Variants in PABIR2 observed in about 807,000 individuals in gnomAD.
PABIR2 encodes the protein family with sequence similarity 122B.
A neutral mutation model predicts 22.8 loss-of-function variants in PABIR2; 7 were observed. The observed-to-expected ratio is 0.31, with a 90% CI of 0.17 to 0.58. The LOEUF is 0.58. Ranked by LOEUF, PABIR2 falls within the 20% of genes least tolerant of loss-of-function variation. The pLI is 0.89. For missense variants in PABIR2, 155 were observed against 205.1 expected (o/e 0.76, Z 1.49); for synonymous variants, 67 against 73.8 (o/e 0.91, Z 0.47).
In PABIR2 at chrX:134,771,464, T is replaced by C. The variant is rs2078836404; in HGVS notation, c.*675A>G. 1 of 1,062,116 alleles carries C rather than the reference T, an allele frequency of 9.4e-7. No homozygotes were observed. The highest frequency in any genetic ancestry group is 1.9e-5 in the African/African-American group (1 of 52,655). The allele number at this position is 1,062,116 out of a possible 1,213,427, so 87.5% of individuals were successfully genotyped here. On this transcript the variant is annotated 3_prime_UTR_variant, in exon 10 of 10. Transcript: ENST00000343004. ...GAACCTGTGATGACTAATCCAAGCATCCTGTAAGTCCGTTTACATTCTCAG... is the reference window on the plus strand; with the variant it reads ...GAACCTGTGATGACTAATCCAAGCACCCTGTAAGTCCGTTTACATTCTCAG...
At chrX:134,773,664 A>G (rs2078892690) in intron 9 of PABIR2, among the ~76,000 whole-genome samples, 1 of 111,773 alleles carries the variant, frequency 8.9e-6, no homozygotes, top group Admixed American at 9.6e-5. Context: ...GAATTTACAC[A>G]GACACTTTTT....
At chrX:134,776,214 G>A (rs1345274412) in intron 9 of PABIR2, among the ~76,000 whole-genome samples, 3 of 111,589 alleles carry the variant, frequency 2.7e-5, no homozygotes, top group Admixed American at 1.9e-4. Context: ...ATTTTGACAT[G>A]ACACATATAA....
chrX:134,796,277 C>G lies in PABIR2; in HGVS notation c.-72G>C. On this transcript the variant is annotated 5_prime_UTR_variant, in exon 1 of 10. Coordinates refer to ENST00000343004, the MANE Select transcript of PABIR2 (RefSeq NM_001387468.1). ...CTTAGCTATGGACTCCCAAGACTCT[C>G]ACTGCAGGACTGAGCTGCTGGGGAC... 2.4e-6 allele frequency: 2 copies of G among 841,710 alleles called. No individual in the cohort carries two copies. Among genetic ancestry groups the G allele is most frequent in the East Asian group, 3.8e-5 (1 of 26,075 alleles). The allele number at this position is 841,710 out of a possible 1,213,427, so 69.4% of individuals were successfully genotyped here.
At chrX:134,779,258 A>G (rs1410464372) in intron 9 of PABIR2, among the ~76,000 whole-genome samples, 3 of 111,272 alleles carry the variant, frequency 2.7e-5, no homozygotes, top group Admixed American at 9.5e-5. Context: ...GCAAAACTCC[A>G]TATCTACTAA....
chrX:134,790,807 C>T (rs1309519232), intron 2 of PABIR2, among the ~76,000 whole-genome samples: 1 of 112,400 alleles, frequency 8.9e-6, no homozygotes, highest in Non-Finnish European at 1.9e-5. Context: ...CTCCTGACCT[C>T]GTGATCCTCC....
rs371512792 is a variant in PABIR2, at chrX:134,788,712, T to C, written c.435+18A>G. The stretch of plus-strand genomic sequence containing the variant: ...CTCAGTTTGTGAAATACACTTAATA[T>C]CTTGTCAGTTATCCTACCTTTCCGA... On this transcript the variant is annotated intron_variant, in intron 6 of 9. Transcript: ENST00000343004. 2 of 1,176,569 alleles carry C rather than the reference T, an allele frequency of 1.7e-6. No homozygotes were observed. The highest frequency in any genetic ancestry group is 3.0e-5 in the East Asian group (1 of 33,416).
Position 134,771,848 on chromosome X carries a change from G to C in PABIR2, c.*291C>G. 1.1e-6 allele frequency: 1 copy of C among 877,981 alleles called. No homozygotes were observed. Among genetic ancestry groups the C allele is most frequent in the East Asian group, 5.7e-5 (1 of 17,435 alleles). 72.4% of individuals were successfully genotyped at this position (877,981 alleles called of 1,213,427 possible). On this transcript the variant is annotated 3_prime_UTR_variant, in exon 10 of 10. Transcript: ENST00000343004. ...TTCTTAAATGTATAGACTCAAAATA[G>C]GTGTTTTTTGAGGCACTAAGAAAAA...
Position 134,789,639 on chromosome X carries a change from G to A in PABIR2, c.178-3C>T, listed in dbSNP as rs866416899. On this transcript the variant is annotated splice_polypyrimidine_tract_variant and splice_region_variant and intron_variant, in intron 2 of 9. Transcript: ENST00000343004. ...CGATTAGGTGAGGATGACAGCAACT[G>A]GAAAGAAAAAGTAAACATTTACTAT... 1.7e-6 allele frequency: 2 copies of A among 1,148,934 alleles called. No homozygotes were observed. Among genetic ancestry groups the A allele is most frequent in the Middle Eastern group, 2.5e-4 (1 of 4,071 alleles). 94.7% of individuals were successfully genotyped at this position (1,148,934 alleles called of 1,213,427 possible). A position where few individuals can be genotyped will look rare whatever the true frequency, so the allele number is the denominator to read the frequency against.
chrX:134,776,169 CTTATG>C (rs2078971122), intron 9 of PABIR2, among the ~76,000 whole-genome samples: 1 of 108,136 alleles, frequency 9.2e-6, no homozygotes. Context: ...ATGATTAAAA[CTTATG>C]TTTTGTACTT....
At chrX:134,785,342 C>A (rs181615014) in intron 8 of PABIR2, among the ~76,000 whole-genome samples, 2 of 111,320 alleles carry the variant, frequency 1.8e-5, no homozygotes, top group African/African-American at 6.5e-5. Flanking sequence ...CTTTTTCCCC[C>A]CAGCTTTACT....
chrX:134,791,617 G>C, intron 2 of PABIR2: 1 of 330,636 alleles, frequency 3.0e-6, no homozygotes, highest in South Asian at 2.6e-5. Flanking sequence ...CAACAGGAGA[G>C]TCAAAAGCAT....
chrX:134,781,745 C>A, intron 9 of PABIR2, 76 bp downstream of exon 9: 1 of 647,948 alleles, frequency 1.5e-6, no homozygotes, highest in African/African-American at 2.3e-5. Context: ...TTAAATTATC[C>A]CAATATACTT....
chrX:134,789,733 T>C (rs2079490967), intron 2 of PABIR2, 97 bp from the exon 3 acceptor site: 6 of 748,431 alleles, frequency 8.0e-6, no homozygotes, highest in Non-Finnish European at 1.1e-5. Flanking sequence ...TAAGTTTTCA[T>C]ATTCTTCTTC....
chrX:134,796,016 A>G, intron 1 of PABIR2, 92 bp downstream of exon 1: 1 of 870,277 alleles, frequency 1.1e-6, no homozygotes, highest in Non-Finnish European at 1.6e-6. Flanking sequence ...AGCCCAAATG[A>G]GCTCAAACGT....
chrX:134,776,161 G>A (rs1409682643), intron 9 of PABIR2, among the ~76,000 whole-genome samples: 2 of 108,991 alleles, frequency 1.8e-5, no homozygotes, highest in Non-Finnish European at 3.8e-5. Context: ...GTTAATTAAT[G>A]ATTAAAACTT....
At chrX:134,790,598 G>A (rs1453267039) in intron 2 of PABIR2, among the ~76,000 whole-genome samples, 7 of 111,701 alleles carry the variant, frequency 6.3e-5, no homozygotes, top group Non-Finnish European at 1.9e-5. Context: ...GGAATGCAAT[G>A]GCATGATCTC....
chrX:134,792,755 T>C (rs1463471773), intron 2 of PABIR2, among the ~76,000 whole-genome samples: 1 of 112,357 alleles, frequency 8.9e-6, no homozygotes, highest in Non-Finnish European at 1.9e-5. Flanking sequence ...TTGCCCTCCC[T>C]ATTTCATAGG....
Position 134,796,597 on chromosome X carries a change from A to G in PABIR2, c.-392T>C, listed in dbSNP as rs1162527306. 1 of 73,425 alleles carries G rather than the reference A, an allele frequency of 1.4e-5. No individual in the cohort carries two copies. The highest frequency in any genetic ancestry group is 2.6e-5 in the Non-Finnish European group (1 of 38,872). The allele number at this position is 73,425 out of a possible 1,213,427, so 6.1% of individuals were successfully genotyped here. On this transcript the variant is annotated 5_prime_UTR_variant, in exon 1 of 10. Coordinates refer to ENST00000343004, the MANE Select transcript of PABIR2 (RefSeq NM_001387468.1). ...AGGATAAGAGGAGGGCAGAGGGGGG[A>G]AAGGGAGAGGAAGGGGGCGGAGGAG...
rs1282707692 is a variant in PABIR2 at position 134,793,726 on chromosome X, T to A, written c.177+89A>T. The stretch of plus-strand genomic sequence containing the variant: ...ATCAATCTTTTCTTTCTTAAACAAT[T>A]GTGCATAGCACATCATTTTAAGAAA... On this transcript the variant is annotated intron_variant, in intron 2 of 9. Coordinates refer to ENST00000343004, the MANE Select transcript of PABIR2 (RefSeq NM_001387468.1). 5.9e-6 allele frequency: 6 copies of A among 1,010,032 alleles called. No homozygotes were observed. The Admixed American group carries it at 1.1e-4, about 19-fold the overall frequency. The allele number at this position is 1,010,032 out of a possible 1,213,427, so 83.2% of individuals were successfully genotyped here.
Sources: gnomAD v4.1 joint callset for allele counts (sites outside exome capture counted in the v4.1 genomes callset) on GRCh38, gnomAD v4.1.1 for gene constraint, MANE v1.5 for transcripts, NCBI Gene and HGNC (gene_info 2026-07-23, HGNC 2026-07-21) for gene names.